DIAPH2: variants seen among roughly 807,000 people sequenced by gnomAD.
The protein encoded by DIAPH2 is protein diaphanous homolog 2.
DIAPH2 carries 35 observed loss-of-function variants against 92.7 expected under a neutral mutation model. The observed-to-expected ratio is 0.38, with a 90% confidence interval of 0.29 to 0.50. The LOEUF is 0.50. Among genes scored for constraint, DIAPH2 ranks in the 20% least tolerant of loss-of-function variants. DIAPH2 has a pLI of 0.94. For synonymous variants in DIAPH2, 301 were observed against 280.4 expected (o/e 1.07, Z -0.73); for missense variants, 701 against 819.5 (o/e 0.86, Z 1.77).
chrX:97,091,123 C>T (rs773606871), intron 19 of DIAPH2, among the ~76,000 whole-genome samples: 1 of 111,165 alleles, frequency 9.0e-6, no homozygotes, highest in Non-Finnish European at 1.9e-5. Flanking sequence ...TCTCCTATCT[C>T]AGCAACCCCA....
chrX:97,185,110 C>T (rs1466642840), intron 22 of DIAPH2, among the ~76,000 whole-genome samples: 1 of 101,940 alleles, frequency 9.8e-6, no homozygotes, highest in African/African-American at 3.6e-5. Context: ...GAAACCCTGT[C>T]TCTACTAAAA....
chrX:97,011,114 T>G (rs1440436764), intron 17 of DIAPH2, among the ~76,000 whole-genome samples: 1 of 112,384 alleles, frequency 8.9e-6, no homozygotes, highest in Non-Finnish European at 1.9e-5. Flanking sequence ...ATTCCCATAT[T>G]TGCCTACGTG....
At chrX:97,185,476 T>C (rs1224362634) in intron 22 of DIAPH2, among the ~76,000 whole-genome samples, 149 of 1,550 alleles carry the variant, frequency 0.096, 4 homozygotes, top group East Asian at 0.19. Context: ...TATATACACA[T>C]ATATATATAT....
At chrX:97,236,791 G>T (rs1047927717) in intron 22 of DIAPH2, among the ~76,000 whole-genome samples, 1 of 110,569 alleles carries the variant, frequency 9.0e-6, no homozygotes, top group African/African-American at 3.3e-5. Context: ...TGATCCACCC[G>T]CCTCGGCCTC....
intron 20 of DIAPH2, among the ~76,000 whole-genome samples, chrX:97,103,537 A>T (rs1484327482): frequency 9.0e-6 from 1 of 111,617 alleles, no homozygotes; most frequent in Non-Finnish European, 1.9e-5. Flanking sequence ...ATACACATCA[A>T]ATATACTCAC....
At chrX:97,527,328 T>A (rs1453817115) in intron 26 of DIAPH2, among the ~76,000 whole-genome samples, 1 of 112,399 alleles carries the variant, frequency 8.9e-6, no homozygotes, top group East Asian at 2.8e-4. Flanking sequence ...AATGGAGGAA[T>A]GTAATTGAAA....
At chrX:97,048,900 AT>A (rs201550554) in intron 17 of DIAPH2, among the ~76,000 whole-genome samples, 3,943 of 102,358 alleles carry the variant, frequency 0.039, 84 homozygotes, top group Middle Eastern at 0.085. Context: ...AAATGCCTAC[AT>A]TTTTTTTTTT....
Position 97,600,852 on chromosome X carries a change from AGCC to A in DIAPH2, c.*1536_*1538del, listed in dbSNP as rs2071590169. 9.8e-5 allele frequency: 11 copies of A among 112,462 alleles called. No individual in the cohort carries two copies. In the South Asian group the frequency reaches 4.0e-3, roughly 41 times the overall value. 9.3% of individuals were successfully genotyped at this position (112,462 alleles called of 1,213,427 possible). A position where few individuals can be genotyped will look rare whatever the true frequency, so the allele number is the denominator to read the frequency against. On this transcript the variant is annotated 3_prime_UTR_variant, in exon 27 of 27. Coordinates refer to ENST00000324765, the MANE Select transcript of DIAPH2 (RefSeq NM_006729.5). ...GAGATAAAGTAAACAAGTGACCAGC[AGCC>A]CACAGATGATTCCTTTATATAGATG...
chrX:97,303,821 G>T (rs1331158402), intron 23 of DIAPH2, among the ~76,000 whole-genome samples: 2 of 110,392 alleles, frequency 1.8e-5, no homozygotes, highest in Non-Finnish European at 3.8e-5. Context: ...TTAGCCATGG[G>T]GTGTGTGTGT....
chrX:96,926,905 G>A (rs2065585758), intron 9 of DIAPH2, among the ~76,000 whole-genome samples: 1 of 111,401 alleles, frequency 9.0e-6, no homozygotes, highest in Non-Finnish European at 1.9e-5. Flanking sequence ...CCTCATGGAA[G>A]CTGTATTTGT....
chrX:97,362,531 C>A (rs1321093748), intron 24 of DIAPH2, among the ~76,000 whole-genome samples: 1 of 112,343 alleles, frequency 8.9e-6, no homozygotes, highest in Non-Finnish European at 1.9e-5. Context: ...AATATACTTA[C>A]ACAAGGACAT....
At chrX:97,587,725 T>C (rs1002982976) in intron 26 of DIAPH2, among the ~76,000 whole-genome samples, 1 of 112,151 alleles carries the variant, frequency 8.9e-6, no homozygotes, top group African/African-American at 3.2e-5. Flanking sequence ...AAGTGTAATA[T>C]GATCGTGATG....
At chrX:97,413,141 A>T (rs1209441097) in intron 25 of DIAPH2, among the ~76,000 whole-genome samples, 2 of 111,986 alleles carry the variant, frequency 1.8e-5, no homozygotes, top group Non-Finnish European at 3.8e-5. Context: ...ATGAACATCG[A>T]TGTGAAAATC....
At chrX:97,262,294 A>G (rs752748653) in intron 23 of DIAPH2, among the ~76,000 whole-genome samples, 232 of 111,497 alleles carry the variant, frequency 2.1e-3, no homozygotes, top group Non-Finnish European at 3.6e-3. Context: ...CCTCCAAGGG[A>G]GTAACATTTA....
At chrX:97,104,516 G>A (rs2066926152) in intron 20 of DIAPH2, among the ~76,000 whole-genome samples, 1 of 109,990 alleles carries the variant, frequency 9.1e-6, no homozygotes, top group African/African-American at 3.3e-5. Flanking sequence ...AACCTCCTGA[G>A]TAGCAAGTTC....
intron 22 of DIAPH2, among the ~76,000 whole-genome samples, chrX:97,241,166 A>G (rs1430556876): frequency 2.7e-5 from 3 of 112,297 alleles, no homozygotes; most frequent in Non-Finnish European, 5.6e-5. Flanking sequence ...ACCCCTCCTT[A>G]AGAGTAGTGC....
chrX:96,941,106 C>G (rs1422135703), intron 12 of DIAPH2, among the ~76,000 whole-genome samples: 1 of 111,173 alleles, frequency 9.0e-6, no homozygotes, highest in Non-Finnish European at 1.9e-5. Flanking sequence ...GGGACCAGAC[C>G]CATTACTAAA....
chrX:97,141,632 A>T, intron 21 of DIAPH2, 33 bp from the exon 22 acceptor site: 1 of 1,151,960 alleles, frequency 8.7e-7, no homozygotes, highest in Non-Finnish European at 1.2e-6. Context: ...TTACTAAAAA[A>T]TTACTAAAAA....
chrX:97,013,584 G>A (rs917931496), intron 17 of DIAPH2, among the ~76,000 whole-genome samples: 2 of 112,258 alleles, frequency 1.8e-5, no homozygotes, highest in Non-Finnish European at 3.8e-5. Context: ...CTTCCTTACG[G>A]CATCATTCTG....
Sources: gnomAD v4.1 joint callset for allele counts (sites outside exome capture counted in the v4.1 genomes callset) on GRCh38, gnomAD v4.1.1 for gene constraint, MANE v1.5 for transcripts, NCBI Gene and HGNC (gene_info 2026-07-23, HGNC 2026-07-21) for gene names.